Variants in LGR5 observed in about 807,000 individuals in gnomAD.
LGR5 encodes leucine-rich repeat-containing G protein-coupled receptor 5.
A neutral mutation model predicts 76.7 loss-of-function variants in LGR5; 54 were observed. That is an observed-to-expected ratio of 0.70 (90% confidence interval 0.57 to 0.88). LGR5 has a LOEUF of 0.88. Among genes scored for constraint, LGR5 ranks in the 40% least tolerant of loss-of-function variants. LGR5 has a pLI of 0.00. For missense variants in LGR5, 1,078 were observed against 1,073.3 expected (o/e 1.00, Z -0.06); for synonymous variants, 406 against 421.9 (o/e 0.96, Z 0.46).
At chr12:71,536,208 C>T (rs548265568) in intron 4 of LGR5, among the ~76,000 whole-genome samples, 3 of 152,130 alleles carry the variant, frequency 2.0e-5, no homozygotes, top group Non-Finnish European at 4.4e-5. Flanking sequence ...TTGTGGACTC[C>T]AGCTGAAAAT....
At chr12:71,465,071 C>A (rs1289638112) in intron 1 of LGR5, among the ~76,000 whole-genome samples, 1 of 152,156 alleles carries the variant, frequency 6.6e-6, no homozygotes, top group African/African-American at 2.4e-5. Flanking sequence ...TTATTGGAGG[C>A]AGGCGTCCCC....
chr12:71,470,092 T>G (rs7976671), intron 1 of LGR5, among the ~76,000 whole-genome samples: 8 of 152,028 alleles, frequency 5.3e-5, no homozygotes, highest in Non-Finnish European at 1.0e-4. Context: ...CTCCTGGGGG[T>G]ATCCATACCA....
chr12:71,518,572 G>A (rs527652685), intron 2 of LGR5, among the ~76,000 whole-genome samples: 98 of 152,222 alleles, frequency 6.4e-4, no homozygotes, highest in African/African-American at 1.6e-3. Context: ...AGCACGATTC[G>A]CAATACCAAA....
intron 1 of LGR5, among the ~76,000 whole-genome samples, chr12:71,471,474 A>G (rs1168913455): frequency 6.6e-6 from 1 of 152,152 alleles, no homozygotes; most frequent in East Asian, 1.9e-4. Flanking sequence ...AGGATGTTGG[A>G]CTGGTTAGTG....
At chr12:71,477,428 T>G (rs992478177) in intron 1 of LGR5, among the ~76,000 whole-genome samples, 1 of 150,138 alleles carries the variant, frequency 6.7e-6, no homozygotes, top group Admixed American at 6.7e-5. Context: ...AACATGAAAA[T>G]GTATACATTT....
intron 2 of LGR5, among the ~76,000 whole-genome samples, chr12:71,516,765 T>A (rs1213856931): frequency 6.6e-6 from 1 of 152,220 alleles, no homozygotes; most frequent in Non-Finnish European, 1.5e-5. Flanking sequence ...GAAAAAGGAA[T>A]GTGTCTATTT....
chr12:71,533,731 C>T (rs962074651), intron 3 of LGR5, among the ~76,000 whole-genome samples: 1 of 152,162 alleles, frequency 6.6e-6, no homozygotes, highest in African/African-American at 2.4e-5. Flanking sequence ...TTCTATGAAC[C>T]TTCACTCATT....
rs561223061 is a variant in LGR5 at position 71,496,391 on chromosome 12, AAGAG to A, written c.213-8211_213-8208del. On this transcript the variant is annotated intron_variant, in intron 1 of 17. Coordinates refer to ENST00000266674, the MANE Select transcript of LGR5 (RefSeq NM_003667.4). Reference sequence around the variant, plus strand: ...TCAACAAAAAAAAAAAAAAAAAAAAAAGAGAGAGAGAGAGAAATGATAACAATTT... The same window carrying A: ...TCAACAAAAAAAAAAAAAAAAAAAAAAGAGAGAGAGAAATGATAACAATTT... Among the ~76,000 whole-genome samples, 895 of 114,994 alleles carry A rather than the reference AAGAG, an allele frequency of 7.8e-3. 19 individuals are homozygous for A. Among genetic ancestry groups the A allele is most frequent in the African/African-American group, 0.018 (542 of 30,324 alleles). 75.4% of individuals were successfully genotyped at this position (114,994 alleles called of 152,430 possible). A position where few individuals can be genotyped will look rare whatever the true frequency, so the allele number is the denominator to read the frequency against.
intron 1 of LGR5, among the ~76,000 whole-genome samples, chr12:71,491,067 C>T (rs1370057384): frequency 6.6e-6 from 1 of 152,158 alleles, no homozygotes; most frequent in East Asian, 1.9e-4. Flanking sequence ...GGCAGTTCCC[C>T]TGCACATGCT....
Position 71,454,776 on chromosome 12 carries a change from A to AACAC in LGR5, c.212+14506_212+14509dup, listed in dbSNP as rs35219754. Among the ~76,000 whole-genome samples, 248 of 147,034 alleles carry AACAC rather than the reference A, an allele frequency of 1.7e-3. 1 individual carries two copies. The highest frequency in any genetic ancestry group is 4.9e-3 in the African/African-American group (197 of 39,904). On this transcript the variant is annotated intron_variant, in intron 1 of 17. Transcript: ENST00000266674. The stretch of plus-strand genomic sequence containing the variant: ...GCACACACACACGTGCATAGACACA[A>AACAC]ACACACACACACACACACACACACA...
intron 4 of LGR5, among the ~76,000 whole-genome samples, chr12:71,535,643 A>G (rs1025958706): frequency 6.6e-6 from 1 of 152,220 alleles, no homozygotes; most frequent in Non-Finnish European, 1.5e-5. Flanking sequence ...AGTACTGCCT[A>G]TATAATACAT....
At chr12:71,582,596 A>G (rs150201224) in intron 17 of LGR5, 57 bp downstream of exon 17, 3 of 1,298,392 alleles carry the variant, frequency 2.3e-6, no homozygotes, top group East Asian at 4.6e-5. Flanking sequence ...TTCTGAGTCC[A>G]TGAAAAACAA....
In LGR5 at chr12:71,453,464, C is replaced by CT. The variant is rs565288717; in HGVS notation, c.212+13189dup. ...GGGTTTGAATTGCTTTTATCCTTTC[C>CT]TTTTTTTTTTTTTTTTTAATCTCAT... On this transcript the variant is annotated intron_variant, in intron 1 of 17. Transcript: ENST00000266674. Among the ~76,000 whole-genome samples, 1,011 of 138,312 alleles carry CT rather than the reference C, an allele frequency of 7.3e-3. 8 individuals are homozygous for CT. Among genetic ancestry groups the CT allele is most frequent in the African/African-American group, 0.016 (612 of 37,874 alleles). The allele number at this position is 138,312 out of a possible 152,430, so 90.7% of individuals were successfully genotyped here.
intron 4 of LGR5, among the ~76,000 whole-genome samples, chr12:71,550,323 G>C (rs1200436553): frequency 2.0e-5 from 3 of 146,898 alleles, no homozygotes; most frequent in Non-Finnish European, 4.5e-5. Context: ...CCTAATTTTT[G>C]TATTTTTGGT....
intron 4 of LGR5, among the ~76,000 whole-genome samples, chr12:71,548,849 C>CAA (rs1215592254): frequency 1.1e-4 from 16 of 145,186 alleles, no homozygotes; most frequent in African/African-American, 4.0e-4. Flanking sequence ...CACACACACA[C>CAA]CCTCTGTGAC....
intron 4 of LGR5, among the ~76,000 whole-genome samples, chr12:71,552,392 C>A (rs540650362): frequency 6.6e-6 from 1 of 151,984 alleles, no homozygotes; most frequent in Non-Finnish European, 1.5e-5. Context: ...TGGTGAAACC[C>A]TGTCTCTACT....
Position 71,518,428 on chromosome 12 carries a change from G to A in LGR5, c.285-5978G>A, listed in dbSNP as rs143404651. ...GAGTGAAAATTAGCGCAACCATTGTGAAGACAGTGTGGCTATTCCTCAAAG... is the reference window on the plus strand; with the variant it reads ...GAGTGAAAATTAGCGCAACCATTGTAAAGACAGTGTGGCTATTCCTCAAAG... On this transcript the variant is annotated intron_variant, in intron 2 of 17. Coordinates refer to ENST00000266674, the MANE Select transcript of LGR5 (RefSeq NM_003667.4). Among the ~76,000 whole-genome samples the A allele has an allele frequency of 3.1e-4, 47 of 152,316 alleles. 1 individual carries two copies. In the East Asian group the frequency reaches 8.9e-3, roughly 29 times the overall value.
chr12:71,579,843 T>G (rs971064379), intron 15 of LGR5, among the ~76,000 whole-genome samples: 1 of 152,242 alleles, frequency 6.6e-6, no homozygotes, highest in Non-Finnish European at 1.5e-5. Context: ...AATGCCACTC[T>G]AAACAACATG....
intron 17 of LGR5, among the ~76,000 whole-genome samples, chr12:71,583,290 C>A (rs1015886004): frequency 1.3e-5 from 2 of 152,094 alleles, no homozygotes; most frequent in Non-Finnish European, 2.9e-5. Context: ...CCTATGGAAA[C>A]TTATGGAAAT....
Sources: allele counts gnomAD v4.1 joint callset (sites outside exome capture counted in the v4.1 genomes callset), GRCh38; gene constraint gnomAD v4.1.1; transcripts MANE v1.5; gene names NCBI Gene and HGNC (gene_info 2026-07-23, HGNC 2026-07-21).